The following SCML4 variants were observed in gnomAD, a reference collection of about 807,000 sequenced individuals.
The protein encoded by SCML4 is sex comb on midleg-like protein 4.
A neutral mutation model predicts 41.1 loss-of-function variants in SCML4; 34 were observed. That is an observed-to-expected ratio of 0.83 (90% CI 0.63 to 1.10). The LOEUF is 1.10. Among genes scored for constraint, SCML4 ranks in the 50% least tolerant of loss-of-function variants. The pLI, the probability that SCML4 is intolerant of heterozygous loss-of-function variation, is 0.00. For synonymous variants in SCML4, 214 were observed against 220.9 expected (o/e 0.97, Z 0.28); for missense variants, 522 against 534.1 (o/e 0.98, Z 0.22).
At chr6:107,755,328 G>A (rs963978627) in intron 2 of SCML4, among the ~76,000 whole-genome samples, 10 of 152,180 alleles carry the variant, frequency 6.6e-5, no homozygotes, top group African/African-American at 2.2e-4. Flanking sequence ...ACTATGGGTA[G>A]TATATGGCTT....
chr6:107,816,647 G>A (rs991045960), intron 1 of SCML4, among the ~76,000 whole-genome samples: 16 of 152,312 alleles, frequency 1.1e-4, no homozygotes, highest in African/African-American at 3.6e-4. Context: ...CTTCCAAGAC[G>A]TTAGCAGGGA....
At chr6:107,740,170 T>C in intron 5 of SCML4, 1 of 470,908 alleles carries the variant, frequency 2.1e-6, no homozygotes, top group South Asian at 1.5e-5. Flanking sequence ...GAATAAGATG[T>C]TAAAAGGAAA....
At chr6:107,747,309 G>A (rs1029045818) in intron 3 of SCML4, among the ~76,000 whole-genome samples, 6 of 151,892 alleles carry the variant, frequency 4.0e-5, no homozygotes, top group Admixed American at 6.6e-5. Context: ...AACCGTCTAC[G>A]AACAAAAAAA....
At position 107,778,465 on chromosome 6, in the gene SCML4, A is replaced by G. The variant is rs865901657; in HGVS notation, c.-59-6079T>C. Among the ~76,000 whole-genome samples the G allele has an allele frequency of 3.3e-5, 5 of 151,924 alleles. No homozygotes were observed. The South Asian group carries it at 6.3e-4, about 19-fold the overall frequency. ...CATCAACTTTCTAAGTCTCCAAGTTATAACCTTTAAACAGTTGTCAAATCG... is the reference window on the plus strand; with the variant it reads ...CATCAACTTTCTAAGTCTCCAAGTTGTAACCTTTAAACAGTTGTCAAATCG... On this transcript the variant is annotated intron_variant, in intron 1 of 7. Transcript: ENST00000369020.
chr6:107,772,527 C>A, intron 1 of SCML4, 141 bp from the exon 2 acceptor site: 1 of 529,888 alleles, frequency 1.9e-6, no homozygotes, highest in South Asian at 2.9e-5. Flanking sequence ...GAGCTAGGTA[C>A]CACTAGATGC....
chr6:107,729,224 G>A (rs1407947466), intron 5 of SCML4, among the ~76,000 whole-genome samples: 3 of 152,340 alleles, frequency 2.0e-5, no homozygotes, highest in African/African-American at 7.2e-5. Context: ...CTACCAGTCT[G>A]AAATCAAGGT....
At chr6:107,785,173 G>A (rs945097375) in intron 1 of SCML4, among the ~76,000 whole-genome samples, 1 of 152,182 alleles carries the variant, frequency 6.6e-6, no homozygotes, top group South Asian at 2.1e-4. Context: ...CCGGTCCAGA[G>A]TTGTATTTGG....
At chr6:107,778,222 A>AAAAAAAAAAATATATATATAT (rs1554218145) in intron 1 of SCML4, among the ~76,000 whole-genome samples, 1 of 15,542 alleles carries the variant, frequency 6.4e-5, no homozygotes, top group Non-Finnish European at 1.5e-4. Flanking sequence ...AAAAAAAAAA[A>AAAAAAAAAAATATATATATAT]ATATATATAT....
rs371553294 is a variant in SCML4 at position 107,803,112 on chromosome 6, T to C, written c.-60+21014A>G. Among the ~76,000 whole-genome samples, 398 of 151,598 alleles carry C rather than the reference T, an allele frequency of 2.6e-3. 11 individuals carry two copies. In the South Asian group the frequency reaches 0.061, roughly 23 times the overall value. ...CTCGCTACAACTTCCACCTCCCAGC[T>C]GCCTGCCTTGGCCCAGCAAAGTGCC... On this transcript the variant is annotated intron_variant, in intron 1 of 7. Coordinates refer to ENST00000369020, the MANE Select transcript of SCML4 (RefSeq NM_198081.5).
intron 1 of SCML4, among the ~76,000 whole-genome samples, chr6:107,796,578 C>T (rs1782732962): frequency 6.6e-6 from 1 of 152,122 alleles, no homozygotes; most frequent in South Asian, 2.1e-4. Flanking sequence ...AAACCTCTCT[C>T]CCAGTCTGTG....
chr6:107,771,317 A>G (rs1444569888), intron 2 of SCML4, among the ~76,000 whole-genome samples: 2 of 152,206 alleles, frequency 1.3e-5, no homozygotes, highest in Non-Finnish European at 2.9e-5. Flanking sequence ...TTCAGTATTC[A>G]GGTCTCAAGA....
At chr6:107,785,339 G>A (rs762213443) in intron 1 of SCML4, among the ~76,000 whole-genome samples, 3 of 152,160 alleles carry the variant, frequency 2.0e-5, no homozygotes, top group Non-Finnish European at 2.9e-5. Flanking sequence ...AGGTGACTGC[G>A]ATCCGAGTGC....
chr6:107,802,573 AG>A (rs1783226842), intron 1 of SCML4, among the ~76,000 whole-genome samples: 1 of 83,486 alleles, frequency 1.2e-5, no homozygotes. Flanking sequence ...GGCTCGAGGG[AG>A]GGAGGGAGGA....
chr6:107,766,417 G>A (rs1043001738), intron 2 of SCML4, among the ~76,000 whole-genome samples: 5 of 149,804 alleles, frequency 3.3e-5, no homozygotes, highest in East Asian at 1.9e-4. Context: ...CTATGATCTC[G>A]CTCCTGAATA....
chr6:107,755,242 C>T (rs1339196084), intron 2 of SCML4, among the ~76,000 whole-genome samples: 1 of 152,158 alleles, frequency 6.6e-6, no homozygotes, highest in African/African-American at 2.4e-5. Flanking sequence ...TGCCTGATTG[C>T]AAGGAAACCT....
chr6:107,705,145 G>C lies in SCML4; in HGVS notation c.*55C>G, dbSNP rs1397628496. On this transcript the variant is annotated 3_prime_UTR_variant, in exon 8 of 8. Transcript: ENST00000369020. ...ATGTTGGCGGGATATTGGTAAGGCA[G>C]AAGATAATCTTGGGATCTGTTGTTT... 6.7e-7 allele frequency: 1 copy of C among 1,485,594 alleles called. No individual in the cohort carries two copies. Among genetic ancestry groups the C allele is most frequent in the African/African-American group, 1.4e-5 (1 of 71,758 alleles). The allele number at this position is 1,485,594 out of a possible 1,614,324, so 92.0% of individuals were successfully genotyped here.
chr6:107,750,645 T>C (rs1778536204), intron 2 of SCML4, among the ~76,000 whole-genome samples: 1 of 152,138 alleles, frequency 6.6e-6, no homozygotes, highest in African/African-American at 2.4e-5. Flanking sequence ...GACTCACACA[T>C]CCGGAGTTTT....
intron 2 of SCML4, 64 bp downstream of exon 2, chr6:107,772,108 G>T: frequency 1.4e-6 from 2 of 1,437,348 alleles, no homozygotes; most frequent in Non-Finnish European, 1.9e-6. Flanking sequence ...TGCAGTGCAG[G>T]TCTGACCAAG....
At chr6:107,806,762 G>A (rs1281817809) in intron 1 of SCML4, among the ~76,000 whole-genome samples, 1 of 152,250 alleles carries the variant, frequency 6.6e-6, no homozygotes. Context: ...AGGTGAGGAT[G>A]GAGGTTTAGT....
Sources: allele counts gnomAD v4.1 joint callset (sites outside exome capture counted in the v4.1 genomes callset), GRCh38; gene constraint gnomAD v4.1.1; transcripts MANE v1.5; gene names NCBI Gene and HGNC (gene_info 2026-07-23, HGNC 2026-07-21).